Variants in SEC16A observed in about 807,000 individuals in gnomAD.
SEC16A encodes SEC16 homolog A, endoplasmic reticulum export factor, also known as protein transport protein Sec16A.
SEC16A carries 110 observed loss-of-function variants against 221.9 expected under a neutral mutation model. That is an observed-to-expected ratio of 0.50 (90% CI 0.42 to 0.58). SEC16A has a LOEUF of 0.58. Ranked by LOEUF, SEC16A falls within the 20% of genes least tolerant of loss-of-function variation. The pLI is 0.00. For synonymous variants in SEC16A, 1,393 were observed against 1,257.7 expected (o/e 1.11, Z -2.28); for missense variants, 3,165 against 3,097.8 (o/e 1.02, Z -0.52).
chr9:136,463,194 C>A, intron 11 of SEC16A, 62 bp from the exon 12 acceptor site: 1 of 1,580,870 alleles, frequency 6.3e-7, no homozygotes, highest in Non-Finnish European at 8.6e-7. Context: ...CGCGTTGGAC[C>A]ACCACAGGCA....
Position 136,443,874 on chromosome 9 carries a change from C to G in SEC16A, c.6954G>C (p.Gly2318=). 2 of 1,611,138 alleles carry G rather than the reference C, an allele frequency of 1.2e-6. No homozygotes were observed. The highest frequency in any genetic ancestry group is 1.3e-5 in the African/African-American group (1 of 74,866). The part of the protein sequence containing the change: ...NQAPGDLPAA[G]GPPSGAMPFY... ...AGGGCATGGCCCCGCTGGGAGGGCCCCCTGCAGCAGGGAGGTCGCCAGGAG... is the reference window on the plus strand; with the variant it reads ...AGGGCATGGCCCCGCTGGGAGGGCCGCCTGCAGCAGGGAGGTCGCCAGGAG... Residue 2318 remains glycine, a synonymous_variant, in exon 31 of 32, where the codon GGG becomes GGC. Coordinates refer to ENST00000684901, the MANE Select transcript of SEC16A (RefSeq NM_014866.2).
intron 8 of SEC16A, among the ~76,000 whole-genome samples, chr9:136,465,394 T>C (rs1026475330): frequency 6.7e-6 from 1 of 149,934 alleles, no homozygotes; most frequent in Non-Finnish European, 1.5e-5. Flanking sequence ...GAAGTTGCAG[T>C]GAGCCAAGAT....
At chr9:136,483,064 C>CGCCGCCGACGT (rs1327949158), upstream of SEC16A, 44 of 973,742 alleles carry the variant, frequency 4.5e-5, no homozygotes, top group Non-Finnish European at 5.0e-5. Flanking sequence ...GCGGCCGCCG[C>CGCCGCCGACGT]GCCGCCGACG....
chr9:136,452,513 C>T (rs1837978474), intron 22 of SEC16A, among the ~76,000 whole-genome samples: 1 of 148,738 alleles, frequency 6.7e-6, no homozygotes, highest in Admixed American at 6.8e-5. Flanking sequence ...CACCTTAATC[C>T]CAGCACTTTG....
At position 136,447,980 on chromosome 9, in the gene SEC16A, G is replaced by A. The variant is rs1046388633; in HGVS notation, c.6391-71C>T. On this transcript the variant is annotated intron_variant, in intron 24 of 31. Transcript: ENST00000684901. The surrounding 1 kb of genome is among the most constrained non-coding windows in gnomAD (Gnocchi z 5.5). ...ACAGAATTAGCATCTGATTAATGAT[G>A]ACACTTCAAAACTTCAGGAAACACC... is the stretch of plus-strand genomic sequence containing the variant. The A allele has an allele frequency of 5.3e-6, 8 of 1,522,452 alleles. No individual in the cohort carries two copies. The South Asian group carries it at 7.1e-5, about 13-fold the overall frequency. The allele number at this position is 1,522,452 out of a possible 1,614,324, so 94.3% of individuals were successfully genotyped here.
At position 136,476,215 on chromosome 9, in the gene SEC16A, A is replaced by T; in HGVS notation, c.1401T>A (p.Asn467Lys). 1 of 1,613,744 alleles carries T rather than the reference A, an allele frequency of 6.2e-7. No homozygotes were observed. Among genetic ancestry groups the T allele is most frequent in the South Asian group, 1.1e-5 (1 of 91,080 alleles). The change falls in exon 3 of 32, where the codon AAT becomes AAA. Residue 467 changes from asparagine to lysine, a missense_variant. By Grantham distance (94) the Asn-to-Lys change is moderately conservative (BLOSUM62 0). Coordinates refer to ENST00000684901, the MANE Select transcript of SEC16A (RefSeq NM_014866.2). ...ENVENLEFVQ[N>K]QEVLPSEPLN... The stretch of plus-strand genomic sequence containing the variant: ...GGGGCTCACTTGGCAGAACTTCTTG[A>T]TTCTGAACAAATTCTAAGTTCTCAA...
chr9:136,459,505 C>A lies in SEC16A; in HGVS notation c.5242G>T (p.Ala1748Ser), dbSNP rs762358376. ...AAHFCYLMAQ[A>S]GFGVYTKKTT... ...TTCTTCGTGTAAACACCAAATCCCG[C>A]CTGGGCCATGAGGTAGCAGAAGTGG... Residue 1748 changes from alanine (A) to serine (S), a missense_variant, in exon 16 of 32, where the codon GCG becomes TCG. Physicochemically the swap from Ala to Ser is moderately conservative, Grantham distance 99. Transcript: ENST00000684901. This position sits in a 1 kb window ranked among gnomAD's most constrained non-coding sequence, Gnocchi z 6.1. 5.6e-6 allele frequency: 9 copies of A among 1,607,440 alleles called. No homozygotes were observed. The Admixed American group carries it at 1.5e-4, about 27-fold the overall frequency.
chr9:136,444,017 A>AG (rs1244925038), intron 30 of SEC16A, 117 bp from the exon 31 acceptor site: 13 of 637,050 alleles, frequency 2.0e-5, no homozygotes, highest in Admixed American at 3.3e-5. Flanking sequence ...CATAAGCTAC[A>AG]GAAGCAGATC....
In SEC16A at chr9:136,466,169, TC is replaced by T; in HGVS notation, c.4129-34del. ...AACAAAGCAAACGGGCAAAATCAAT[TC>T]CCCAGGCACAGCAGTAAAACTTTAG... On this transcript the variant is annotated intron_variant, in intron 7 of 31. Transcript: ENST00000684901. The surrounding 1 kb of genome is among the most constrained non-coding windows in gnomAD (Gnocchi z 5.5). The T allele has an allele frequency of 6.4e-7, 1 of 1,570,880 alleles. No homozygotes were observed. The highest frequency in any genetic ancestry group is 8.7e-7 in the Non-Finnish European group (1 of 1,156,012).
At position 136,463,681 on chromosome 9, in the gene SEC16A, G is replaced by A. The variant is rs369165771; in HGVS notation, c.4506C>T (p.Ala1502=). The A allele has an allele frequency of 3.1e-6, 5 of 1,613,268 alleles. No homozygotes were observed. The highest frequency in any genetic ancestry group is 4.2e-6 in the Non-Finnish European group (5 of 1,179,744). ...AAATGCCTCAACAAGGAACATACTT[G>A]GCCAGGGGTCCCGGGAACGCCCGCA... ...EEMRAFPGPL[A]KDDTHKVDVI... Residue 1502 remains alanine, a splice_region_variant and synonymous_variant, in exon 10 of 32, where the codon GCC becomes GCT. Coordinates refer to ENST00000684901, the MANE Select transcript of SEC16A (RefSeq NM_014866.2).
At chr9:136,462,197 T>C (rs1050022321) in intron 12 of SEC16A, among the ~76,000 whole-genome samples, 1 of 152,228 alleles carries the variant, frequency 6.6e-6, no homozygotes, top group African/African-American at 2.4e-5. Flanking sequence ...ACTCTCAGCC[T>C]ATCCCATGTC....
At chr9:136,484,177 T>G, upstream of SEC16A, 2 of 212,520 alleles carry the variant, frequency 9.4e-6, no homozygotes, top group Non-Finnish European at 1.7e-5. Flanking sequence ...GCCTACTCGG[T>G]TCGTTCCCCC....
rs748529431 is a variant in SEC16A, at chr9:136,474,205, C to T, written c.3411G>A (p.Glu1137=). 1 of 1,611,664 alleles carries T rather than the reference C, an allele frequency of 6.2e-7. No individual in the cohort carries two copies. Among genetic ancestry groups the T allele is most frequent in the Non-Finnish European group, 8.5e-7 (1 of 1,179,432 alleles). ...SGSGQAAVPS[E]QPWPQPVPAL... ...CAGGCACTGGCTGTGGCCACGGCTG[C>T]TCTGACGGCACAGCTGCCTGGCCGG... Residue 1137 remains glutamate (E), a synonymous_variant, in exon 3 of 32, where the codon GAG becomes GAA. Coordinates refer to ENST00000684901, the MANE Select transcript of SEC16A (RefSeq NM_014866.2).
rs780451876 is a variant in SEC16A at position 136,453,529 on chromosome 9, G to C, written c.6077-19C>G. On this transcript the variant is annotated intron_variant, in intron 21 of 31. Coordinates refer to ENST00000684901, the MANE Select transcript of SEC16A (RefSeq NM_014866.2). ...ACTATCCCTGTCAACGGGAAAGAGA[G>C]CAACTATGATCTCAGTCACGAGAAG... 1 of 1,598,992 alleles carries C rather than the reference G, an allele frequency of 6.3e-7. No homozygotes were observed. Among genetic ancestry groups the C allele is most frequent in the Non-Finnish European group, 8.6e-7 (1 of 1,166,886 alleles).
chr9:136,442,619 T>C (rs1466006756), intron 31 of SEC16A, among the ~76,000 whole-genome samples: 2 of 152,038 alleles, frequency 1.3e-5, no homozygotes, highest in Non-Finnish European at 2.9e-5. Flanking sequence ...CAGGAAACAT[T>C]CTAGAACACT....
Position 136,461,313 on chromosome 9 carries a change from C to T in SEC16A, c.4894-39G>A, listed in dbSNP as rs755994242. The T allele has an allele frequency of 3.6e-5, 53 of 1,455,482 alleles. No homozygotes were observed. In the Middle Eastern group the frequency reaches 2.7e-3, roughly 75 times the overall value. The allele number at this position is 1,455,482 out of a possible 1,614,324, so 90.2% of individuals were successfully genotyped here. A position where few individuals can be genotyped will look rare whatever the true frequency, so the allele number is the denominator to read the frequency against. ...TTCAGGGACCTTGGTGGGTTATCGG[C>T]GGCGCTCACGTGACATGAGTCAAGA... On this transcript the variant is annotated intron_variant, in intron 12 of 31. Transcript: ENST00000684901.
chr9:136,446,666 C>T (rs1837034605), intron 28 of SEC16A, among the ~76,000 whole-genome samples, 189 bp downstream of exon 28: 2 of 152,216 alleles, frequency 1.3e-5, no homozygotes, highest in Admixed American at 1.3e-4. Flanking sequence ...TCTTCCCAAA[C>T]AGCTCTGTCC....
rs762247769 is a variant in SEC16A at position 136,463,744 on chromosome 9, C to G, written c.4447-4G>C. 2 of 1,611,472 alleles carry G rather than the reference C, an allele frequency of 1.2e-6. No individual in the cohort carries two copies. Among genetic ancestry groups the G allele is most frequent in the African/African-American group, 2.7e-5 (2 of 74,894 alleles). On this transcript the variant is annotated splice_region_variant and splice_polypyrimidine_tract_variant and intron_variant, in intron 9 of 31. Transcript: ENST00000684901. ...CAGACGTGTGCTGCAGCAAGGCCTA[C>G]GAGGAGAGGGCCGTGGGTCAGTGGC...
Position 136,447,050 on chromosome 9 carries a change from G to A in SEC16A, c.6698-101C>T, listed in dbSNP as rs528892712. 1.1e-5 allele frequency: 18 copies of A among 1,579,856 alleles called. No individual in the cohort carries two copies. The highest frequency in any genetic ancestry group is 7.0e-5 in the South Asian group (6 of 86,198). On this transcript the variant is annotated intron_variant, in intron 27 of 31. Transcript: ENST00000684901. This position sits in a 1 kb window ranked among gnomAD's most constrained non-coding sequence, Gnocchi z 5.5. ...GAAGAGAGTTTCACACTGCACACGCGGCACACTCATGCAGAAACAGGCAAA... is the reference window on the plus strand; with the variant it reads ...GAAGAGAGTTTCACACTGCACACGCAGCACACTCATGCAGAAACAGGCAAA...
Sources: allele counts gnomAD v4.1 joint callset (sites outside exome capture counted in the v4.1 genomes callset), GRCh38; gene constraint gnomAD v4.1.1; non-coding constraint Gnocchi (gnomAD v3.1); transcripts MANE v1.5; gene names NCBI Gene and HGNC (gene_info 2026-07-23, HGNC 2026-07-21).